RCAN2: variants seen among roughly 807,000 people sequenced by gnomAD.
RCAN2 encodes regulator of calcineurin 2, also known as calcipressin-2.
Under a neutral mutation model 23.6 loss-of-function variants are expected in RCAN2, and 9 were observed. The ratio of observed to expected loss-of-function variants is 0.38; its 90% CI spans 0.23 to 0.67. The LOEUF is 0.67. RCAN2 is among the 30% of genes least tolerant of loss of function. RCAN2 has a pLI of 0.51. For missense variants in RCAN2, 273 were observed against 302.3 expected (o/e 0.90, Z 0.72); for synonymous variants, 109 against 115.7 (o/e 0.94, Z 0.37).
At position 46,271,216 on chromosome 6, in the gene RCAN2, A is replaced by T. The variant is rs532123138; in HGVS notation, c.226-22320T>A. Among the ~76,000 whole-genome samples, 12 of 152,266 alleles carry T rather than the reference A, an allele frequency of 7.9e-5. No individual in the cohort carries two copies. In the South Asian group the frequency reaches 2.5e-3, roughly 32 times the overall value. ...GAGATTTATTCTAAGGAAGAGGCTC[A>T]TGGGTTTATGGAGGCTTGACAGGGC... On this transcript the variant is annotated intron_variant, in intron 2 of 4. Transcript: ENST00000371374.
chr6:46,276,244 C>T (rs899136045), intron 2 of RCAN2, among the ~76,000 whole-genome samples: 1 of 96,480 alleles, frequency 1.0e-5, no homozygotes, highest in African/African-American at 3.8e-5. Context: ...ACCAACTATG[C>T]AGGGTTGGTG....
intron 2 of RCAN2, among the ~76,000 whole-genome samples, chr6:46,428,406 C>A (rs1326666386): frequency 6.6e-6 from 1 of 152,146 alleles, no homozygotes; most frequent in Non-Finnish European, 1.5e-5. Context: ...CATTTCTCTC[C>A]ATGAGATGAT....
At chr6:46,439,700 AG>A (rs1767474686) in intron 2 of RCAN2, among the ~76,000 whole-genome samples, 1 of 152,218 alleles carries the variant, frequency 6.6e-6, no homozygotes. Flanking sequence ...GGCTGGGCAA[AG>A]GTAGGGCTAG....
rs541662842 is a variant in RCAN2 at position 46,362,311 on chromosome 6, T to A, written c.225+94441A>T. ...TTGGATGTCGTTTAAGAGAAATGAA[T>A]GAATCAGCTAGAATTTTCTGCAAAT... On this transcript the variant is annotated intron_variant, in intron 2 of 4. Coordinates refer to ENST00000371374, the MANE Select transcript of RCAN2 (RefSeq NM_001251974.2). 3.9e-5 allele frequency among the ~76,000 whole-genome samples: 6 copies of A among 152,244 alleles called. No homozygotes were observed. The East Asian group carries it at 1.2e-3, about 29-fold the overall frequency.
intron 4 of RCAN2, among the ~76,000 whole-genome samples, chr6:46,226,626 C>T (rs1235370925): frequency 2.6e-5 from 4 of 152,142 alleles, no homozygotes; most frequent in South Asian, 4.1e-4. Flanking sequence ...GATTTTTGCA[C>T]ATTGATTTTG....
intron 2 of RCAN2, among the ~76,000 whole-genome samples, chr6:46,373,185 TG>T (rs1272019765): frequency 6.6e-6 from 1 of 152,238 alleles, no homozygotes; most frequent in Non-Finnish European, 1.5e-5. Flanking sequence ...GTTCAGTTGC[TG>T]GCAGGTAAAC....
chr6:46,479,978 A>C lies in RCAN2; in HGVS notation c.-3+11195T>G, dbSNP rs1056011211. On this transcript the variant is annotated intron_variant, in intron 1 of 4. Coordinates refer to ENST00000371374, the MANE Select transcript of RCAN2 (RefSeq NM_001251974.2). ...GGCAAATTACATAAGTCCATTGTTC[A>C]TTCCCATAAGCCCACAGCTACTAAA... 5.9e-5 allele frequency among the ~76,000 whole-genome samples: 9 copies of C among 152,224 alleles called. 1 individual carries two copies. Among genetic ancestry groups the C allele is most frequent in the Admixed American group, 5.9e-4 (9 of 15,286 alleles).
intron 2 of RCAN2, among the ~76,000 whole-genome samples, chr6:46,384,269 C>A (rs1765685840): frequency 6.6e-6 from 1 of 152,200 alleles, no homozygotes; most frequent in East Asian, 1.9e-4. Context: ...TAATTAATTT[C>A]CAGTGTTAAA....
intron 2 of RCAN2, among the ~76,000 whole-genome samples, chr6:46,445,361 C>A (rs181017728): frequency 6.6e-6 from 1 of 152,324 alleles, no homozygotes; most frequent in Non-Finnish European, 1.5e-5. Context: ...ATAGCCTGCC[C>A]AAGGACTCAA....
At chr6:46,394,943 G>T (rs771263478) in intron 2 of RCAN2, among the ~76,000 whole-genome samples, 23 of 152,160 alleles carry the variant, frequency 1.5e-4, no homozygotes, top group Non-Finnish European at 3.4e-4. Context: ...GATGTACATT[G>T]TAAGAAAAAA....
chr6:46,402,678 C>A (rs956725487), intron 2 of RCAN2, among the ~76,000 whole-genome samples: 1 of 152,156 alleles, frequency 6.6e-6, no homozygotes, highest in South Asian at 2.1e-4. Flanking sequence ...GACAGACAAG[C>A]CCTGCTGGGT....
intron 2 of RCAN2, among the ~76,000 whole-genome samples, chr6:46,342,513 C>A (rs1486951576): frequency 1.7e-5 from 2 of 118,578 alleles, no homozygotes; most frequent in Non-Finnish European, 4.0e-5. Context: ...GATTGTGTCA[C>A]TATACTCCAG....
intron 2 of RCAN2, among the ~76,000 whole-genome samples, chr6:46,269,586 A>C (rs1331714552): frequency 6.6e-6 from 1 of 152,188 alleles, no homozygotes; most frequent in Non-Finnish European, 1.5e-5. Context: ...ATCCTTGGTC[A>C]TGCATTCACA....
At chr6:46,439,479 C>T (rs911042219) in intron 2 of RCAN2, among the ~76,000 whole-genome samples, 5 of 152,284 alleles carry the variant, frequency 3.3e-5, no homozygotes, top group Admixed American at 2.6e-4. Flanking sequence ...CCATAGTTAA[C>T]TCTAAATGAC....
rs1196611176 is a variant in RCAN2 at position 46,386,828 on chromosome 6, A to T, written c.225+69924T>A. On this transcript the variant is annotated intron_variant, in intron 2 of 4. Transcript: ENST00000371374. ...AAGCCAAAAGAACAAACCTGGAGGC[A>T]TCACGCTACCTGACTTCAAACTATA... Among the ~76,000 whole-genome samples, 3 of 152,172 alleles carry T rather than the reference A, an allele frequency of 2.0e-5. 1 individual carries two copies. The highest frequency in any genetic ancestry group is 4.4e-5 in the Non-Finnish European group (3 of 68,028).
chr6:46,340,101 G>C lies in RCAN2; in HGVS notation c.226-91205C>G, dbSNP rs1226221029. Among the ~76,000 whole-genome samples, 3 of 152,134 alleles carry C rather than the reference G, an allele frequency of 2.0e-5. No homozygotes were observed. The East Asian group carries it at 5.8e-4, about 29-fold the overall frequency. ...GAAATAATGCATGAGTGAATGATAAGATAAGCTAATCACATCTTTGCTTCC... is the reference window on the plus strand; with the variant it reads ...GAAATAATGCATGAGTGAATGATAACATAAGCTAATCACATCTTTGCTTCC... On this transcript the variant is annotated intron_variant, in intron 2 of 4. Transcript: ENST00000371374.
chr6:46,268,510 T>C (rs181621166), intron 2 of RCAN2, among the ~76,000 whole-genome samples: 119 of 152,300 alleles, frequency 7.8e-4, no homozygotes, highest in Admixed American at 7.6e-3. Context: ...CATATCTTCC[T>C]CTTTCTTGGA....
intron 2 of RCAN2, among the ~76,000 whole-genome samples, chr6:46,400,113 C>T (rs1766207928): frequency 6.6e-6 from 1 of 152,224 alleles, no homozygotes; most frequent in Non-Finnish European, 1.5e-5. Context: ...TATCTCTATA[C>T]TCTGCCTCAA....
chr6:46,247,024 C>T (rs142593286), intron 3 of RCAN2, 105 bp from the exon 4 acceptor site: 156 of 887,148 alleles, frequency 1.8e-4, no homozygotes, highest in African/African-American at 1.6e-3. Context: ...ACAAATGAAC[C>T]GATGAACCCG....
Sources: allele counts gnomAD v4.1 joint callset (sites outside exome capture counted in the v4.1 genomes callset), GRCh38; gene constraint gnomAD v4.1.1; transcripts MANE v1.5; gene names NCBI Gene and HGNC (gene_info 2026-07-23, HGNC 2026-07-21).